Variants in GREB1 observed in about 807,000 individuals in gnomAD.
GREB1 encodes the protein growth regulating estrogen receptor binding 1.
A neutral mutation model predicts 200.7 loss-of-function variants in GREB1; 106 were observed. The observed-to-expected ratio is 0.53, with a 90% CI of 0.45 to 0.62. The LOEUF is 0.62. Ranked by LOEUF, GREB1 falls within the 20% of genes least tolerant of loss-of-function variation. The probability of loss-of-function intolerance (pLI) is 0.00; values close to 1 mark genes in which losing one functional copy is unlikely to be tolerated. For synonymous variants in GREB1, 1,132 were observed against 1,092.4 expected (o/e 1.04, Z -0.72); for missense variants, 2,243 against 2,556.8 (o/e 0.88, Z 2.65).
chr2:11,606,672 T>C (rs1682321270), intron 17 of GREB1, among the ~76,000 whole-genome samples: 2 of 151,872 alleles, frequency 1.3e-5, no homozygotes, highest in South Asian at 4.1e-4. Flanking sequence ...ACTTCGTTTC[T>C]TGTAGGCAGC....
Position 11,618,862 on chromosome 2 carries a change from C to G in GREB1, c.3987C>G (p.Ala1329=), listed in dbSNP as rs113948769. ...RPSHMDYGNR[A]EGRVDGFHPR... is the part of the protein sequence containing the mutation. ...GCCACATGGACTACGGCAACCGGGC[C>G]GAGGGCCGCGTGGACGGCTTCCACC... is the stretch of plus-strand genomic sequence containing the variant. Residue 1329 remains alanine (A), a synonymous_variant, in exon 22 of 33, where the codon GCC becomes GCG. Transcript: ENST00000381486. The G allele has an allele frequency of 1.1e-5, 17 of 1,586,382 alleles. No individual in the cohort carries two copies. Among genetic ancestry groups the G allele is most frequent in the Non-Finnish European group, 1.5e-5 (17 of 1,171,234 alleles).
Position 11,498,725 on chromosome 2 carries a change from T to A in GREB1, c.-159+16344T>A, listed in dbSNP as rs182263611. On this transcript the variant is annotated intron_variant, in intron 1 of 2. Coordinates refer to the GREB1 transcript ENST00000628795. ...GGTGACACTTGGCGTCCTGGGCTGA[T>A]CTGGGGCACACTGACCCACGGGTGG... Among the ~76,000 whole-genome samples the A allele has an allele frequency of 4.6e-3, 702 of 152,290 alleles. 8 individuals are homozygous for A. The highest frequency in any genetic ancestry group is 0.015 in the African/African-American group (634 of 41,548).
intron 1 of GREB1, among the ~76,000 whole-genome samples, chr2:11,535,120 G>A (rs1674230919): frequency 6.6e-6 from 1 of 152,058 alleles, no homozygotes; most frequent in Non-Finnish European, 1.5e-5. Flanking sequence ...AGGTAGAGGA[G>A]CTACCTGCTC....
At chr2:11,506,438 G>C (rs1260928387) in intron 1 of GREB1, among the ~76,000 whole-genome samples, 1 of 152,146 alleles carries the variant, frequency 6.6e-6, no homozygotes, top group Non-Finnish European at 1.5e-5. Context: ...CTCTCCCCAT[G>C]ATCTCCTTGG....
At chr2:11,499,788 G>A (rs1182557519) in intron 1 of GREB1, among the ~76,000 whole-genome samples, 3 of 152,194 alleles carry the variant, frequency 2.0e-5, no homozygotes, top group South Asian at 2.1e-4. Flanking sequence ...TTACAAAAAA[G>A]GCTATCATAT....
At chr2:11,590,259 C>G (rs570029577) in intron 10 of GREB1, among the ~76,000 whole-genome samples, 3 of 152,272 alleles carry the variant, frequency 2.0e-5, no homozygotes, top group Admixed American at 2.0e-4. Context: ...TCTGTGGCTG[C>G]CGCCTCACCG....
At chr2:11,488,554 G>A (rs1328501490) in intron 1 of GREB1, among the ~76,000 whole-genome samples, 1 of 152,094 alleles carries the variant, frequency 6.6e-6, no homozygotes, top group East Asian at 1.9e-4. Context: ...ACTTTGGGAG[G>A]CCGATGTGGG....
intron 3 of GREB1, 170 bp downstream of exon 3, chr2:11,562,752 C>CCTTTTTTAATGCTA: frequency 1.6e-6 from 1 of 642,812 alleles, no homozygotes; most frequent in South Asian, 2.7e-5. Flanking sequence ...AGGTGCTGGC[C>CCTTTTTTAATGCTA]CGGCCTGCCC....
chr2:11,608,996 T>C (rs900401219), intron 17 of GREB1, among the ~76,000 whole-genome samples: 5 of 152,158 alleles, frequency 3.3e-5, no homozygotes, highest in African/African-American at 9.7e-5. Context: ...TCCCAGAAAC[T>C]GTAGGCAGAA....
intron 1 of GREB1, among the ~76,000 whole-genome samples, chr2:11,524,716 T>C (rs925253689): frequency 1.7e-4 from 26 of 152,208 alleles, no homozygotes. Context: ...ACTGGTTGCA[T>C]GGATGCTGGA....
At chr2:11,527,242 G>A (rs1558502537) in intron 1 of GREB1, among the ~76,000 whole-genome samples, 2 of 152,126 alleles carry the variant, frequency 1.3e-5, no homozygotes, top group Admixed American at 1.3e-4. Flanking sequence ...AAAAAAATGG[G>A]GAAGTGATAA....
intron 1 of GREB1, among the ~76,000 whole-genome samples, chr2:11,510,007 C>G (rs1475182291): frequency 6.6e-6 from 1 of 152,152 alleles, no homozygotes; most frequent in Non-Finnish European, 1.5e-5. Context: ...AAAGTCCATG[C>G]ATTTTGCTTT....
At chr2:11,539,262 G>T (rs1362561628) in intron 1 of GREB1, among the ~76,000 whole-genome samples, 1 of 151,808 alleles carries the variant, frequency 6.6e-6, no homozygotes, top group Non-Finnish European at 1.5e-5. Context: ...TGTTGCCCAG[G>T]CTGGTTTCCC....
chr2:11,602,354 A>C (rs1232156391), intron 16 of GREB1, 52 bp from the exon 17 acceptor site: 1 of 1,569,236 alleles, frequency 6.4e-7, no homozygotes, highest in African/African-American at 1.4e-5. Context: ...CGAACCTCTG[A>C]CCGTCCCTGC....
upstream of GREB1, among the ~76,000 whole-genome samples, chr2:11,532,262 C>T (rs1421117436): frequency 3.9e-5 from 6 of 152,196 alleles, no homozygotes; most frequent in Admixed American, 1.3e-4. Context: ...TGGTAGGGGC[C>T]GGGAAACAGA....
chr2:11,587,465 C>A, intron 9 of GREB1: 1 of 1,613,116 alleles, frequency 6.2e-7, no homozygotes, highest in Non-Finnish European at 8.5e-7. Flanking sequence ...GGCGTGAATT[C>A]ATGGACCCAT....
chr2:11,635,454 C>T (rs1383764367), intron 30 of GREB1, 49 bp downstream of exon 30: 4 of 1,560,584 alleles, frequency 2.6e-6, no homozygotes, highest in Admixed American at 3.6e-5. Context: ...GCCTGGGCCG[C>T]CCTGGCACAC....
Position 11,580,892 on chromosome 2 carries a change from G to C in GREB1, c.901+60G>C, listed in dbSNP as rs1486648077. 3.1e-6 allele frequency: 5 copies of C among 1,605,732 alleles called. No homozygotes were observed. The highest frequency in any genetic ancestry group is 1.6e-4 in the Middle Eastern group (1 of 6,070). On this transcript the variant is annotated intron_variant, in intron 7 of 32. Transcript: ENST00000381486. The surrounding 1 kb of genome is among the most constrained non-coding windows in gnomAD (Gnocchi z 4.5). ...TGCTCTTCTTTGGGCCAAGGCCAGA[G>C]GGGGCATGGGAGCTGCTGGGCTGGG...
intron 1 of GREB1, among the ~76,000 whole-genome samples, chr2:11,506,535 A>C (rs1673187711): frequency 6.6e-6 from 1 of 152,178 alleles, no homozygotes; most frequent in South Asian, 2.1e-4. Flanking sequence ...GTGGAGATTT[A>C]GTTGGTGTAT....
Sources: gnomAD v4.1 joint callset for allele counts (sites outside exome capture counted in the v4.1 genomes callset) on GRCh38, gnomAD v4.1.1 for gene constraint, Gnocchi (gnomAD v3.1) non-coding constraint, MANE v1.5 for transcripts, NCBI Gene and HGNC (gene_info 2026-07-23, HGNC 2026-07-21) for gene names.